Variants in PNRC1 observed in about 807,000 individuals in gnomAD.
PNRC1 encodes proline-rich nuclear receptor coactivator 1.
In PNRC1, 6 loss-of-function variants were observed where a neutral mutation model predicts 20.2. That is an observed-to-expected ratio of 0.30 (90% confidence interval 0.16 to 0.59). The LOEUF (loss-of-function observed/expected upper bound fraction) is 0.59. PNRC1 is among the 20% of genes least tolerant of loss of function. The pLI is 0.89. For missense variants in PNRC1, 488 were observed against 430.2 expected, an observed-to-expected ratio of 1.13 and a Z score of -1.19; for synonymous variants, 202 against 186.9, an observed-to-expected ratio of 1.08 and a Z score of -0.66.
At position 89,083,829 on chromosome 6, in the gene PNRC1, A is replaced by G. The variant is rs753147224; in HGVS notation, c.617A>G (p.Tyr206Cys). Residue 206 changes from tyrosine to cysteine, a missense_variant, in exon 2 of 2, where the codon TAT (tyrosine) becomes TGT (cysteine). Coordinates refer to ENST00000336032, the MANE Select transcript of PNRC1 (RefSeq NM_006813.3). ...HGQLVHGIHLYEQPKINRQKS... is the reference protein window; with the variant it reads ...HGQLVHGIHLCEQPKINRQKS... ...CAGCTTGTTCATGGTATACACTTGT[A>G]TGAGCAACCAAAGATAAACAGACAG... The G allele has an allele frequency of 3.1e-6, 5 of 1,614,058 alleles. 1 individual carries two copies. Among genetic ancestry groups the G allele is most frequent in the East Asian group, 4.5e-5 (2 of 44,878 alleles).
intron 1 of PNRC1, among the ~76,000 whole-genome samples, chr6:89,083,303 TG>T (rs1331620393): frequency 6.6e-6 from 1 of 152,256 alleles, no homozygotes; most frequent in African/African-American, 2.4e-5. Context: ...TTAAAGTTTT[TG>T]TAATTTTCAG....
At position 89,084,927 on chromosome 6, in the gene PNRC1, A is replaced by C. The variant is rs1011018036; in HGVS notation, c.*731A>C. The C allele has an allele frequency of 1.3e-5, 2 of 152,150 alleles. No individual in the cohort carries two copies. The highest frequency in any genetic ancestry group is 4.2e-4 in the South Asian group (2 of 4,816). 9.4% of individuals were successfully genotyped at this position (152,150 alleles called of 1,614,324 possible). A position where few individuals can be genotyped will look rare whatever the true frequency, so the allele number is the denominator to read the frequency against. ...GTGTGGTTGGATTTTTTTGACTTCT[A>C]CTTTACTGGCTGAGTGTGAGCCGCC... On this transcript the variant is annotated 3_prime_UTR_variant, in exon 2 of 2. Coordinates refer to ENST00000336032, the MANE Select transcript of PNRC1 (RefSeq NM_006813.3).
intron 1 of PNRC1, 141 bp downstream of exon 1, chr6:89,081,575 T>A (rs1450589788): frequency 4.6e-6 from 2 of 431,762 alleles, no homozygotes; most frequent in Non-Finnish European, 7.6e-6. Flanking sequence ...GAGGGAAGTT[T>A]CCGTGACGCC....
intron 1 of PNRC1, 52 bp from the exon 2 acceptor site, chr6:89,083,701 A>G (rs993620016): frequency 5.9e-6 from 8 of 1,362,178 alleles, no homozygotes; most frequent in Non-Finnish European, 7.0e-6. Flanking sequence ...TGAGGTTCAT[A>G]ACTGATTTTT....
At position 89,084,013 on chromosome 6, in the gene PNRC1, A is replaced by G. The variant is rs1768059995; in HGVS notation, c.801A>G (p.Ser267=). 6.2e-7 allele frequency: 1 copy of G among 1,614,128 alleles called. No homozygotes were observed. The highest frequency in any genetic ancestry group is 8.5e-7 in the Non-Finnish European group (1 of 1,180,004). ...TTAAAAATTCGCATTTGAAGAAATC[A>G]GCATTTCTAACTGAAGTGAGCCAAA... ...ENIKNSHLKK[S]AFLTEVSQKE... is the part of the protein sequence containing the mutation. Residue 267 remains serine (S), a synonymous_variant, in exon 2 of 2, where the codon TCA becomes TCG. Coordinates refer to ENST00000336032, the MANE Select transcript of PNRC1 (RefSeq NM_006813.3).
chr6:89,082,979 G>A (rs1366381662), intron 1 of PNRC1, among the ~76,000 whole-genome samples: 1 of 151,016 alleles, frequency 6.6e-6, no homozygotes, highest in Non-Finnish European at 1.5e-5. Flanking sequence ...GAACTTAAAA[G>A]TCAAGGGAAA....
At position 89,081,155 on chromosome 6, in the gene PNRC1, A is replaced by G. The variant is rs779445950; in HGVS notation, c.261A>G (p.Gly87=). ...CCAACCGCAGCCTCGCCGTGGCGGG[A>G]GGCACTCCTCGGGCAGCGCCGAAGA... ...ALPNRSLAVA[G]GTPRAAPKKR... is the part of the protein sequence containing the mutation. The change falls in exon 1 of 2, where the codon GGA becomes GGG. Residue 87 remains glycine (G), a synonymous_variant. Transcript: ENST00000336032. 2 of 1,601,426 alleles carry G rather than the reference A, an allele frequency of 1.2e-6. No individual in the cohort carries two copies. The highest frequency in any genetic ancestry group is 2.2e-5 in the South Asian group (2 of 90,634).
Position 89,081,029 on chromosome 6 carries a change from C to T in PNRC1, c.135C>T (p.Ile45=), listed in dbSNP as rs377610042. ...CGGCTCCGCCTCCTTTACCCCGGAT[C>T]CCGGACCCCCGGGCACTGCCCCCGA... ...VTTAPPPLPR[I]PDPRALPPTL... Residue 45 remains isoleucine (I), a synonymous_variant, in exon 1 of 2, where the codon ATC becomes ATT. Coordinates refer to ENST00000336032, the MANE Select transcript of PNRC1 (RefSeq NM_006813.3). The T allele has an allele frequency of 1.9e-6, 3 of 1,611,536 alleles. No individual in the cohort carries two copies. The highest frequency in any genetic ancestry group is 4.5e-5 in the East Asian group (2 of 44,860).
chr6:89,080,881 AGCTTCCTAGC>A lies in PNRC1; in HGVS notation c.-10_-1del. The A allele has an allele frequency of 6.2e-7, 1 of 1,608,234 alleles. No homozygotes were observed. Among genetic ancestry groups the A allele is most frequent in the East Asian group, 2.2e-5 (1 of 44,842 alleles). On this transcript the variant is annotated 5_prime_UTR_variant, in exon 1 of 2. Coordinates refer to ENST00000336032, the MANE Select transcript of PNRC1 (RefSeq NM_006813.3). Reference sequence around the variant, plus strand: ...CTTCTCTCTTCGTTGCTGAGCGACAAGCTTCCTAGCGCTATGACTGTCGTCTCCGTCCCGC... The same window carrying A: ...CTTCTCTCTTCGTTGCTGAGCGACAAGCTATGACTGTCGTCTCCGTCCCGC...
rs2231274 is a variant in PNRC1 at position 89,081,362 on chromosome 6, C to T, written c.468C>T (p.Gly156=). The T allele has an allele frequency of 1.4e-6, 2 of 1,437,368 alleles. No individual in the cohort carries two copies. The highest frequency in any genetic ancestry group is 2.9e-5 in the East Asian group (1 of 33,940). 89.0% of individuals were successfully genotyped at this position (1,437,368 alleles called of 1,614,324 possible). The change falls in exon 1 of 2, where the codon GGC becomes GGT. Residue 156 remains glycine, a synonymous_variant. Transcript: ENST00000336032. ...CCCCGAGTCCTGCAGCCGCAGCCGG[C>T]ACGGAGGGAGCCAGCCCCGACCTTG... ...ALAPSPAAAA[G]TEGASPDLAP...
chr6:89,083,966 C>T lies in PNRC1; in HGVS notation c.754C>T (p.Pro252Ser), dbSNP rs1768058937. 1 of 1,613,786 alleles carries T rather than the reference C, an allele frequency of 6.2e-7. No individual in the cohort carries two copies. ...SDRIQKQEKK[P>S]FKNTENIKNS... ...CAGAATTCAGAAGCAGGAAAAAAAG[C>T]CTTTTAAAAATACCGAGAACATTAA... The change falls in exon 2 of 2, where the codon CCT becomes TCT. Residue 252 changes from proline (P) to serine (S), a missense_variant. Physicochemically the swap from Pro to Ser is moderately conservative, Grantham distance 74. Transcript: ENST00000336032.
At position 89,083,982 on chromosome 6, in the gene PNRC1, A is replaced by C; in HGVS notation, c.770A>C (p.Glu257Ala). The C allele has an allele frequency of 6.2e-7, 1 of 1,614,038 alleles. No homozygotes were observed. The highest frequency in any genetic ancestry group is 1.6e-4 in the Middle Eastern group (1 of 6,062). ...GAAAAAAAGCCTTTTAAAAATACCG[A>C]GAACATTAAAAATTCGCATTTGAAG... The part of the protein sequence containing the change: ...KQEKKPFKNT[E>A]NIKNSHLKKS... Residue 257 changes from glutamate to alanine, a missense_variant, in exon 2 of 2, where the codon GAG becomes GCG. Coordinates refer to ENST00000336032, the MANE Select transcript of PNRC1 (RefSeq NM_006813.3).
chr6:89,083,533 TTG>T (rs920013227), intron 1 of PNRC1, among the ~76,000 whole-genome samples: 6 of 152,168 alleles, frequency 3.9e-5, no homozygotes, highest in Non-Finnish European at 8.8e-5. Context: ...CCAAATTCAC[TTG>T]TAAGTGAGAA....
In PNRC1 at chr6:89,080,980, T is replaced by C. The variant is rs1202419719; in HGVS notation, c.86T>C (p.Phe29Ser). The C allele has an allele frequency of 1.9e-6, 3 of 1,613,306 alleles. No homozygotes were observed. Among genetic ancestry groups the C allele is most frequent in the African/African-American group, 2.7e-5 (2 of 75,046 alleles). ...CTTGGCTTTTCCTCCCGAGGTTACT[T>C]TGGGGCCCTCCCGATGGTGACCACG... ...APLGFSSRGY[F>S]GALPMVTTAP... The change falls in exon 1 of 2, where the codon TTT becomes TCT. Residue 29 changes from phenylalanine (F) to serine (S), a missense_variant. Physicochemically the swap from Phe to Ser is radical, Grantham distance 155 (BLOSUM62 -2). Transcript: ENST00000336032.
rs1215333812 is a variant in PNRC1 at position 89,084,470 on chromosome 6, A to G, written c.*274A>G. ...CCTGCCCACATTGCAGGTGTTTTGT[A>G]TATATACAATGGATAAATTTTAAGT... On this transcript the variant is annotated 3_prime_UTR_variant, in exon 2 of 2. Transcript: ENST00000336032. The G allele has an allele frequency of 7.9e-6, 2 of 251,574 alleles. No homozygotes were observed. Among genetic ancestry groups the G allele is most frequent in the Admixed American group, 5.2e-5 (1 of 19,188 alleles). 15.6% of individuals were successfully genotyped at this position (251,574 alleles called of 1,614,324 possible).
Position 89,081,034 on chromosome 6 carries a change from AC to A in PNRC1, c.145del (p.Arg49GlyfsTer13). ...TAPPPLPRIP[D>X]PRALPPTLFL... ...CCGCCTCCTTTACCCCGGATCCCGG[AC>A]CCCCGGGCACTGCCCCCGACCCTCT... On this transcript the variant is annotated frameshift_variant, in exon 1 of 2. Coordinates refer to ENST00000336032, the MANE Select transcript of PNRC1 (RefSeq NM_006813.3). LOFTEE classifies it high-confidence loss of function. 6.2e-7 allele frequency: 1 copy of A among 1,610,960 alleles called. No homozygotes were observed.
In PNRC1 at chr6:89,084,737, T is replaced by TGG. The variant is rs1768080263; in HGVS notation, c.*542_*543dup. On this transcript the variant is annotated 3_prime_UTR_variant, in exon 2 of 2. Transcript: ENST00000336032. ...TTTTGCTAAACTCAATTTCTGGTTT[T>TGG]GGTATATATCCATTCCAGCTTAATG... 1 of 152,668 alleles carries TGG rather than the reference T, an allele frequency of 6.6e-6. No homozygotes were observed. The highest frequency in any genetic ancestry group is 1.5e-5 in the Non-Finnish European group (1 of 68,052). 9.5% of individuals were successfully genotyped at this position (152,668 alleles called of 1,614,324 possible).
intron 1 of PNRC1, chr6:89,082,678 C>G (rs774596307): frequency 1.3e-5 from 2 of 151,356 alleles, no homozygotes; most frequent in South Asian, 2.1e-4. Context: ...GATTACCTTA[C>G]GCTTTTCCAT....
Position 89,084,246 on chromosome 6 carries a change from G to C in PNRC1, c.*50G>C. 1.5e-6 allele frequency: 2 copies of C among 1,291,204 alleles called. No homozygotes were observed. Among genetic ancestry groups the C allele is most frequent in the Non-Finnish European group, 2.1e-6 (2 of 939,394 alleles). The allele number at this position is 1,291,204 out of a possible 1,614,324, so 80.0% of individuals were successfully genotyped here. A position where few individuals can be genotyped will look rare whatever the true frequency, so the allele number is the denominator to read the frequency against. On this transcript the variant is annotated 3_prime_UTR_variant, in exon 2 of 2. Transcript: ENST00000336032. ...AAACATAATTTTTCCCATATCCCTG[G>C]ACTCTTGAGAAAATTGGTACAGAAA...
Sources: allele counts gnomAD v4.1 joint callset (sites outside exome capture counted in the v4.1 genomes callset), GRCh38; gene constraint gnomAD v4.1.1; transcripts MANE v1.5; gene names NCBI Gene and HGNC (gene_info 2026-07-23, HGNC 2026-07-21).